Variants in OPRM1 observed in about 807,000 individuals in gnomAD.
OPRM1 encodes the protein opioid receptor mu 1.
Under a neutral mutation model 31.8 loss-of-function variants are expected in OPRM1, and 27 were observed. The observed-to-expected ratio is 0.85, with a 90% CI of 0.63 to 1.17. The LOEUF (loss-of-function observed/expected upper bound fraction) is 1.17. Among genes scored for constraint, OPRM1 ranks in the 50% most tolerant of loss-of-function variants. The pLI is 0.00. For synonymous variants in OPRM1, 196 were observed against 189.9 expected (o/e 1.03, Z -0.26); for missense variants, 536 against 511.1 (o/e 1.05, Z -0.47).
rs1791738868 is a variant in OPRM1, at chr6:154,090,183, G to A, written c.643+5G>A. 6.3e-7 allele frequency: 1 copy of A among 1,593,996 alleles called. No homozygotes were observed. Among genetic ancestry groups the A allele is most frequent in the African/African-American group, 1.3e-5 (1 of 74,554 alleles). ...CTACAACAAAATACAGGCAAGGTGA[G>A]TGATGTTACCAGCCTGAGGGAAGGA... On this transcript the variant is annotated splice_donor_5th_base_variant and intron_variant, in intron 2 of 3. Transcript: ENST00000330432.
chr6:154,070,420 C>T (rs1786432228), intron 1 of OPRM1, among the ~76,000 whole-genome samples: 1 of 152,216 alleles, frequency 6.6e-6, no homozygotes, highest in Non-Finnish European at 1.5e-5. Flanking sequence ...GATGCTTCTA[C>T]TCATCCATCT....
chr6:154,059,988 T>C (rs1011965012), intron 1 of OPRM1, among the ~76,000 whole-genome samples: 7 of 152,190 alleles, frequency 4.6e-5, no homozygotes, highest in Non-Finnish European at 1.0e-4. Context: ...CCTAAGCCCA[T>C]GAAGTGTCTG....
chr6:154,206,288 T>C (rs1448955026), intron 3 of OPRM1, among the ~76,000 whole-genome samples: 1 of 152,106 alleles, frequency 6.6e-6, no homozygotes, highest in African/African-American at 2.4e-5. Context: ...TCTGTGAGAG[T>C]CAAATGAAAT....
At chr6:154,105,670 A>G (rs1482432557) in intron 3 of OPRM1, among the ~76,000 whole-genome samples, 1 of 152,242 alleles carries the variant, frequency 6.6e-6, no homozygotes, top group Non-Finnish European at 1.5e-5. Context: ...TTTACACAAC[A>G]GTTATAAATA....
At chr6:154,188,707 C>T (rs1801598878) in intron 3 of OPRM1, among the ~76,000 whole-genome samples, 1 of 152,202 alleles carries the variant, frequency 6.6e-6, no homozygotes, top group Admixed American at 6.5e-5. Context: ...GTCTAAAAAG[C>T]ACCAGCACTC....
intron 3 of OPRM1, among the ~76,000 whole-genome samples, chr6:154,148,287 C>CT (rs1798408382): frequency 6.6e-6 from 1 of 152,212 alleles, no homozygotes; most frequent in Non-Finnish European, 1.5e-5. Context: ...TGAAACATTG[C>CT]TTTTTCCCAG....
At chr6:154,210,046 T>A (rs1458610431) in intron 3 of OPRM1, among the ~76,000 whole-genome samples, 1 of 152,224 alleles carries the variant, frequency 6.6e-6, no homozygotes, top group Non-Finnish European at 1.5e-5. Context: ...AAGTATTCCC[T>A]GAACTTCTAT....
chr6:154,140,866 T>G (rs938303299), intron 3 of OPRM1, among the ~76,000 whole-genome samples: 3 of 152,188 alleles, frequency 2.0e-5, no homozygotes, highest in Admixed American at 6.5e-5. Context: ...TTTAATGTGA[T>G]CAAGTCCATT....
chr6:154,081,462 C>T (rs1193894631), intron 1 of OPRM1, among the ~76,000 whole-genome samples: 1 of 151,988 alleles, frequency 6.6e-6, no homozygotes, highest in African/African-American at 2.4e-5. Context: ...GCCGAGATCG[C>T]GCCACTGCAC....
At chr6:154,229,401 C>T in intron 3 of OPRM1, among the ~76,000 whole-genome samples, 1 of 136,744 alleles carries the variant, frequency 7.3e-6, no homozygotes, top group Non-Finnish European at 1.5e-5. Context: ...CCAGGCTGGA[C>T]TGCAGTGGCG....
upstream of OPRM1, among the ~76,000 whole-genome samples, chr6:154,035,779 T>A (rs1779267333): frequency 6.6e-6 from 1 of 152,102 alleles, no homozygotes; most frequent in African/African-American, 2.4e-5. Context: ...TTGAAACAAA[T>A]AATTTTTGTG....
intron 3 of OPRM1, among the ~76,000 whole-genome samples, chr6:154,209,643 C>CAAA (rs34423257): frequency 1.9e-5 from 2 of 107,920 alleles, no homozygotes; most frequent in Admixed American, 1.0e-4. Context: ...GACTGTGTCT[C>CAAA]AAAAAAAAAA....
intron 3 of OPRM1, among the ~76,000 whole-genome samples, chr6:154,176,628 C>T (rs1800356493): frequency 6.6e-6 from 1 of 152,116 alleles, no homozygotes; most frequent in South Asian, 2.1e-4. Context: ...TGAAGGACCT[C>T]CTCAAGGAGA....
At chr6:154,025,295 G>T (rs1425545679) in intron 1 of OPRM1, among the ~76,000 whole-genome samples, 3 of 150,724 alleles carry the variant, frequency 2.0e-5, no homozygotes, top group Non-Finnish European at 4.5e-5. Context: ...TCTCCTTGTA[G>T]CTTTTGGCTT....
chr6:154,104,490 A>G (rs1410529421), intron 3 of OPRM1, among the ~76,000 whole-genome samples: 1 of 152,176 alleles, frequency 6.6e-6, no homozygotes, highest in Admixed American at 6.5e-5. Context: ...TTTTTACATT[A>G]CCCATCCCTC....
intron 1 of OPRM1, among the ~76,000 whole-genome samples, chr6:154,029,786 G>A (rs957199452): frequency 2.0e-5 from 3 of 152,178 alleles, no homozygotes; most frequent in African/African-American, 4.8e-5. Flanking sequence ...TAGTGAATGA[G>A]TTATCATGAG....
intron 3 of OPRM1, among the ~76,000 whole-genome samples, chr6:154,150,390 G>A (rs972772888): frequency 2.0e-5 from 3 of 152,238 alleles, no homozygotes; most frequent in African/African-American, 7.2e-5. Context: ...AGGTTCTGCA[G>A]TTATTTGATG....
chr6:154,034,043 A>G (rs1779155371), intron 1 of OPRM1, among the ~76,000 whole-genome samples: 1 of 152,180 alleles, frequency 6.6e-6, no homozygotes, highest in South Asian at 2.1e-4. Flanking sequence ...TAAAAATATA[A>G]TTAATGGATC....
intron 1 of OPRM1, among the ~76,000 whole-genome samples, chr6:154,050,711 G>T (rs928928588): frequency 6.6e-6 from 1 of 152,086 alleles, no homozygotes; most frequent in African/African-American, 2.4e-5. Context: ...ACAAAAGGGT[G>T]ACTATAATCA....
Sources: allele counts gnomAD v4.1 joint callset (sites outside exome capture counted in the v4.1 genomes callset), GRCh38; gene constraint gnomAD v4.1.1; transcripts MANE v1.5; gene names NCBI Gene and HGNC (gene_info 2026-07-23, HGNC 2026-07-21).